Variants in MAP3K13 observed in about 807,000 individuals in gnomAD.
MAP3K13 encodes the protein mitogen-activated protein kinase kinase kinase 13.
In MAP3K13, 52 loss-of-function variants were observed where a neutral mutation model predicts 104.0. The ratio of observed to expected loss-of-function variants is 0.50; its 90% CI spans 0.40 to 0.63. MAP3K13 has a LOEUF of 0.63. MAP3K13 is among the 20% of genes least tolerant of loss of function. The probability of loss-of-function intolerance (pLI) is 0.00; values close to 1 mark genes in which losing one functional copy is unlikely to be tolerated. For missense variants in MAP3K13, 914 were observed against 1,218.5 expected, an observed-to-expected ratio of 0.75 and a Z score of 3.72; for synonymous variants, 394 against 442.2, an observed-to-expected ratio of 0.89 and a Z score of 1.37.
chr3:185,451,899 A>G (rs999942786), intron 7 of MAP3K13, among the ~76,000 whole-genome samples: 2 of 151,896 alleles, frequency 1.3e-5, no homozygotes, highest in Non-Finnish European at 1.5e-5. Flanking sequence ...AGAAAGAAAG[A>G]AAAGAAAAAA....
chr3:185,397,076 T>G (rs997931891), intron 1 of MAP3K13, among the ~76,000 whole-genome samples: 1 of 152,058 alleles, frequency 6.6e-6, no homozygotes, highest in African/African-American at 2.4e-5. Context: ...ATTCATAAGA[T>G]AAGAGAATCT....
chr3:185,340,290 T>C (rs530095758), intron 2 of MAP3K13, among the ~76,000 whole-genome samples: 1 of 152,302 alleles, frequency 6.6e-6, no homozygotes, highest in South Asian at 2.1e-4. Context: ...ATGTAAACTA[T>C]GGGGTACTTC....
intron 2 of MAP3K13, among the ~76,000 whole-genome samples, chr3:185,336,553 A>AG (rs1257257642): frequency 8.9e-5 from 10 of 111,984 alleles, no homozygotes; most frequent in African/African-American, 3.7e-4. Flanking sequence ...AAAAAAAAAA[A>AG]AAAAGAAAAG....
In MAP3K13 at chr3:185,424,299, A is replaced by T. The variant is rs147281784; in HGVS notation, c.-85-4198A>T. Among the ~76,000 whole-genome samples, 477 of 152,376 alleles carry T rather than the reference A, an allele frequency of 3.1e-3. 4 individuals carry two copies. The highest frequency in any genetic ancestry group is 0.01 in the African/African-American group (434 of 41,584). ...TCAAAAACTTAGATCAAATGATCACAGATAACAGCATTTTTTAACCTGGAA... is the reference window on the plus strand; with the variant it reads ...TCAAAAACTTAGATCAAATGATCACTGATAACAGCATTTTTTAACCTGGAA... On this transcript the variant is annotated intron_variant, in intron 1 of 13. Coordinates refer to ENST00000265026, the MANE Select transcript of MAP3K13 (RefSeq NM_004721.5).
At chr3:185,313,105 C>T (rs1721549316) in intron 2 of MAP3K13, among the ~76,000 whole-genome samples, 1 of 151,340 alleles carries the variant, frequency 6.6e-6, no homozygotes, top group African/African-American at 2.4e-5. Flanking sequence ...AGGAGAATCA[C>T]TTGAACCCAG....
intron 1 of MAP3K13, among the ~76,000 whole-genome samples, chr3:185,388,762 T>C (rs1350624439): frequency 6.6e-6 from 1 of 152,064 alleles, no homozygotes; most frequent in African/African-American, 2.4e-5. Flanking sequence ...GCTGGAGGCA[T>C]CACAAAACCT....
At chr3:185,285,472 C>T in intron 1 of MAP3K13, 1 of 569,560 alleles carries the variant, frequency 1.8e-6, no homozygotes, top group South Asian at 2.8e-5. Flanking sequence ...GTTGGTATCT[C>T]AGTGGTACCT....
At chr3:185,469,374 T>C (rs945746110) in intron 10 of MAP3K13, among the ~76,000 whole-genome samples, 6 of 152,218 alleles carry the variant, frequency 3.9e-5, no homozygotes, top group Non-Finnish European at 5.9e-5. Flanking sequence ...GTTCAAGTTA[T>C]GAGTTCTGCC....
At chr3:185,302,556 T>A (rs1721145700) in intron 2 of MAP3K13, among the ~76,000 whole-genome samples, 1 of 152,220 alleles carries the variant, frequency 6.6e-6, no homozygotes, top group Admixed American at 6.5e-5. Context: ...TCCCTCCTTC[T>A]TTACATTTAT....
intron 7 of MAP3K13, 150 bp from the exon 8 acceptor site, chr3:185,463,400 A>G (rs1717225867): frequency 1.9e-6 from 1 of 534,488 alleles, no homozygotes; most frequent in Non-Finnish European, 3.5e-6. Context: ...ATATTTTGCT[A>G]TTAATCAAAT....
intron 1 of MAP3K13, among the ~76,000 whole-genome samples, chr3:185,407,456 A>G (rs796962899): frequency 6.6e-6 from 1 of 152,222 alleles, no homozygotes; most frequent in South Asian, 2.1e-4. Flanking sequence ...CGTTATAACT[A>G]TAAAGCAGAG....
At chr3:185,329,085 A>G in intron 2 of MAP3K13, 1 of 578,120 alleles carries the variant, frequency 1.7e-6, no homozygotes, top group African/African-American at 1.8e-5. Flanking sequence ...GATTAGAACT[A>G]CTGAAAAGAA....
chr3:185,376,316 GA>G, intron 1 of MAP3K13, among the ~76,000 whole-genome samples: 1 of 152,320 alleles, frequency 6.6e-6, no homozygotes, highest in Admixed American at 6.5e-5. Context: ...GAAGAAAATA[GA>G]TTTTGGAAGT....
intron 1 of MAP3K13, among the ~76,000 whole-genome samples, chr3:185,380,514 A>G (rs896503784): frequency 1.3e-5 from 2 of 151,338 alleles, no homozygotes; most frequent in Admixed American, 6.6e-5. Context: ...CATCTCAAAA[A>G]AAAAAAAAAA....
chr3:185,337,417 G>C (rs184810476), intron 2 of MAP3K13, among the ~76,000 whole-genome samples: 1 of 152,334 alleles, frequency 6.6e-6, no homozygotes, highest in Admixed American at 6.5e-5. Context: ...GCAACACAAA[G>C]TAAACACACG....
chr3:185,327,135 C>T (rs1341334499), intron 2 of MAP3K13, among the ~76,000 whole-genome samples: 1 of 152,120 alleles, frequency 6.6e-6, no homozygotes, highest in African/African-American at 2.4e-5. Flanking sequence ...AGTTTCCTTG[C>T]CATTCCTAGC....
At chr3:185,376,398 G>A (rs959724238) in intron 1 of MAP3K13, among the ~76,000 whole-genome samples, 13 of 152,164 alleles carry the variant, frequency 8.5e-5, no homozygotes, top group Non-Finnish European at 1.5e-4. Context: ...TTAAGGCAGC[G>A]GCAGCCACTG....
chr3:185,291,738 C>T, intron 2 of MAP3K13: 1 of 1,496,718 alleles, frequency 6.7e-7, no homozygotes, highest in African/African-American at 1.4e-5. Flanking sequence ...CATTAAAGCT[C>T]TCCATTGAAC....
chr3:185,325,967 C>T lies in MAP3K13; in HGVS notation c.-86+40324C>T, dbSNP rs186291461. ...ACACTGTTCCTTTCTACTTGCTTCA[C>T]GCTTGGTTCCTTCGCTTGAAACACT... On this transcript the variant is annotated intron_variant, in intron 2 of 14. Coordinates refer to the MAP3K13 transcript ENST00000424227. Among the ~76,000 whole-genome samples the T allele has an allele frequency of 2.1e-4, 32 of 152,308 alleles. 1 individual carries two copies. The highest frequency in any genetic ancestry group is 5.9e-4 in the Admixed American group (9 of 15,294).
Sources: allele counts gnomAD v4.1 joint callset (sites outside exome capture counted in the v4.1 genomes callset), GRCh38; gene constraint gnomAD v4.1.1; transcripts MANE v1.5; gene names NCBI Gene and HGNC (gene_info 2026-07-23, HGNC 2026-07-21).